Variants in PFKP observed in about 807,000 individuals in gnomAD.
PFKP encodes the protein phosphofructokinase, platelet.
In PFKP, 101 loss-of-function variants were observed where a neutral mutation model predicts 94.3. The observed-to-expected ratio is 1.07, with a 90% confidence interval of 0.91 to 1.26. The LOEUF is 1.26. PFKP is among the 50% of genes most tolerant of loss of function. The probability of loss-of-function intolerance (pLI) is 0.00; values close to 1 mark genes in which losing one functional copy is unlikely to be tolerated. For synonymous variants in PFKP, 573 were observed against 432.6 expected (o/e 1.32, Z -4.03); for missense variants, 1,145 against 1,103.3 (o/e 1.04, Z -0.53).
chr10:3,074,929 C>T (rs989234179), intron 1 of PFKP, among the ~76,000 whole-genome samples: 3 of 152,154 alleles, frequency 2.0e-5, no homozygotes, highest in African/African-American at 7.2e-5. Flanking sequence ...TCACAGCCTT[C>T]AGAGCCGAGA....
At chr10:3,113,562 TG>T in intron 13 of PFKP, 44 bp downstream of exon 13, 1 of 1,581,854 alleles carries the variant, frequency 6.3e-7, no homozygotes, top group Non-Finnish European at 8.6e-7. Flanking sequence ...ACCCTGGCTG[TG>T]AGCACAGTGG....
At chr10:3,068,257 C>G (rs906322247) in intron 1 of PFKP, among the ~76,000 whole-genome samples, 2 of 152,122 alleles carry the variant, frequency 1.3e-5, no homozygotes, top group African/African-American at 2.4e-5. Flanking sequence ...CCTGTCGCCT[C>G]GTGCCCTGCG....
chr10:3,082,632 G>A (rs56335916), intron 2 of PFKP, among the ~76,000 whole-genome samples, 171 bp downstream of exon 2: 32,973 of 152,216 alleles, frequency 0.22, 4,377 homozygotes, highest in East Asian at 0.35. Context: ...GAAGCCCCTG[G>A]TCTGCAGGGA....
In PFKP at chr10:3,109,326, C is replaced by T. The variant is rs1176455780; in HGVS notation, c.964-29C>T. On this transcript the variant is annotated intron_variant, in intron 9 of 21. Coordinates refer to ENST00000381125, the MANE Select transcript of PFKP (RefSeq NM_002627.5). ...AGGGACAGGGCAGGACGGGAGGCTG[C>T]CCCTGACCCACATGGACCTGGTTTC... 5 of 1,606,042 alleles carry T rather than the reference C, an allele frequency of 3.1e-6. No homozygotes were observed. The Middle Eastern group carries it at 4.9e-4, about 159-fold the overall frequency.
chr10:3,128,961 G>A (rs535562641), intron 16 of PFKP: 1 of 152,324 alleles, frequency 6.6e-6, no homozygotes, highest in Non-Finnish European at 1.5e-5. Flanking sequence ...TCCCGACAAA[G>A]GCTTGATGTG....
At position 3,134,551 on chromosome 10, in the gene PFKP, C is replaced by T. The variant is rs1176776191; in HGVS notation, c.2091C>T (p.Ile697=). 5 of 1,613,790 alleles carry T rather than the reference C, an allele frequency of 3.1e-6. No individual in the cohort carries two copies. Among genetic ancestry groups the T allele is most frequent in the Admixed American group, 1.7e-5 (1 of 60,008 alleles). ...TCTCTGCCAGAGCTATGGAGTGGATCACTGCAAAACTCAAGGAGGCCCGGG... is the reference window on the plus strand; with the variant it reads ...TCTCTGCCAGAGCTATGGAGTGGATTACTGCAAAACTCAAGGAGGCCCGGG... ...TKISARAMEW[I]TAKLKEARGR... is the part of the protein sequence containing the mutation. The change falls in exon 20 of 22, where the codon ATC becomes ATT. Residue 697 remains isoleucine (I), a synonymous_variant. Transcript: ENST00000381125.
At chr10:3,125,701 C>T (rs962995954) in intron 16 of PFKP, among the ~76,000 whole-genome samples, 10 of 152,220 alleles carry the variant, frequency 6.6e-5, no homozygotes, top group African/African-American at 2.4e-4. Context: ...TTTAGAGAGC[C>T]GAAATCACGC....
intron 1 of PFKP, among the ~76,000 whole-genome samples, chr10:3,080,340 A>AC (rs1832953781): frequency 6.6e-6 from 1 of 151,908 alleles, no homozygotes; most frequent in Non-Finnish European, 1.5e-5. Flanking sequence ...ACACGGTGAA[A>AC]CCCCGTCTCT....
At chr10:3,122,784 C>T (rs1837558168) in intron 16 of PFKP, among the ~76,000 whole-genome samples, 2 of 152,192 alleles carry the variant, frequency 1.3e-5, no homozygotes, top group Admixed American at 1.3e-4. Context: ...TGGTGATTCT[C>T]ATGGGGGCAG....
intron 13 of PFKP, among the ~76,000 whole-genome samples, chr10:3,115,353 T>TGAAAGTGTGTGTCCCACGGC (rs1564327135): frequency 1.8e-5 from 1 of 54,610 alleles, no homozygotes; most frequent in African/African-American, 6.5e-5. Flanking sequence ...CTGGGGATGC[T>TGAAAGTGTGTGTCCCACGGC]GGAGTGAAGG....
intron 2 of PFKP, among the ~76,000 whole-genome samples, chr10:3,092,151 C>G (rs1358188972): frequency 5.3e-5 from 8 of 151,736 alleles, no homozygotes; most frequent in Non-Finnish European, 8.8e-5. Context: ...CCCCATGGCC[C>G]CCGGTCAGCA....
intron 2 of PFKP, among the ~76,000 whole-genome samples, chr10:3,093,970 A>G (rs1286108568): frequency 6.6e-6 from 1 of 152,208 alleles, no homozygotes; most frequent in Non-Finnish European, 1.5e-5. Flanking sequence ...ACATGTTTAT[A>G]TGCCAGCCAG....
At chr10:3,088,718 T>C (rs1403798628) in intron 2 of PFKP, among the ~76,000 whole-genome samples, 1 of 152,228 alleles carries the variant, frequency 6.6e-6, no homozygotes, top group East Asian at 1.9e-4. Context: ...AAATTTATTT[T>C]ATTGAAGTAA....
At chr10:3,124,640 C>A (rs942052501) in intron 16 of PFKP, among the ~76,000 whole-genome samples, 1 of 152,212 alleles carries the variant, frequency 6.6e-6, no homozygotes, top group Non-Finnish European at 1.5e-5. Context: ...ACGATGAAGG[C>A]GGGCATTTGG....
chr10:3,091,273 AT>A (rs1275129455), intron 2 of PFKP, among the ~76,000 whole-genome samples: 1 of 151,960 alleles, frequency 6.6e-6, no homozygotes, highest in African/African-American at 2.4e-5. Flanking sequence ...CTTCTTGGAG[AT>A]GATGATACTA....
intron 16 of PFKP, among the ~76,000 whole-genome samples, chr10:3,126,868 T>G (rs989648708): frequency 1.3e-5 from 2 of 152,156 alleles, no homozygotes; most frequent in African/African-American, 4.8e-5. Context: ...TTGCAGGGGG[T>G]GGCGTCTGCT....
chr10:3,101,108 T>C, intron 3 of PFKP: 1 of 932,644 alleles, frequency 1.1e-6, no homozygotes, highest in Non-Finnish European at 1.7e-6. Context: ...TGTATTTAAC[T>C]GCTGGCTGCC....
chr10:3,095,233 C>CGTGCATAGGTGA (rs534523216), intron 2 of PFKP, among the ~76,000 whole-genome samples: 3 of 151,308 alleles, frequency 2.0e-5, no homozygotes, highest in Non-Finnish European at 4.4e-5. Flanking sequence ...CCGAGAAAGC[C>CGTGCATAGGTGA]ACCCATAGGT....
intron 2 of PFKP, among the ~76,000 whole-genome samples, chr10:3,084,121 T>G (rs559082195): frequency 6.6e-6 from 1 of 152,234 alleles, no homozygotes; most frequent in Non-Finnish European, 1.5e-5. Flanking sequence ...TGTTTTGTAT[T>G]ATTTAATACC....
Sources: gnomAD v4.1 joint callset for allele counts (sites outside exome capture counted in the v4.1 genomes callset) on GRCh38, gnomAD v4.1.1 for gene constraint, MANE v1.5 for transcripts, NCBI Gene and HGNC (gene_info 2026-07-23, HGNC 2026-07-21) for gene names.